RORA: variants seen among roughly 807,000 people sequenced by gnomAD.
RORA encodes the protein RAR related orphan receptor A.
In RORA, 7 loss-of-function variants were observed where a neutral mutation model predicts 69.5. That is an observed-to-expected ratio of 0.10 (90% CI 0.06 to 0.19). RORA has a LOEUF of 0.19. Among genes scored for constraint, RORA ranks in the 10% least tolerant of loss-of-function variants. The pLI is 1.00. For synonymous variants in RORA, 261 were observed against 240.8 expected, an observed-to-expected ratio of 1.08 and a Z score of -0.78; for missense variants, 457 against 663.0, an observed-to-expected ratio of 0.69 and a Z score of 3.41.
At chr15:60,756,609 T>A (rs932586850) in intron 1 of RORA, among the ~76,000 whole-genome samples, 2 of 152,254 alleles carry the variant, frequency 1.3e-5, no homozygotes, top group African/African-American at 4.8e-5. Context: ...TGGCTTTTAA[T>A]TTTTTGTATA....
chr15:61,038,882 G>A (rs1263539669), intron 1 of RORA: 3 of 152,254 alleles, frequency 2.0e-5, no homozygotes, highest in African/African-American at 2.4e-5. Context: ...GAAAGCCCAC[G>A]ACTAAAACAT....
At chr15:60,621,025 G>A (rs548243829) in intron 2 of RORA, among the ~76,000 whole-genome samples, 12 of 152,340 alleles carry the variant, frequency 7.9e-5, no homozygotes, top group African/African-American at 2.6e-4. Flanking sequence ...GCGCATAACT[G>A]TATTCTTTCA....
chr15:61,096,261 C>T (rs2078788595), intron 1 of RORA, among the ~76,000 whole-genome samples: 1 of 152,172 alleles, frequency 6.6e-6, no homozygotes, highest in African/African-American at 2.4e-5. Context: ...TATAGAGCTG[C>T]AGCCTTCTCG....
intron 1 of RORA, among the ~76,000 whole-genome samples, chr15:60,937,943 T>C (rs4775324): frequency 0.16 from 24,332 of 152,174 alleles, 2,020 homozygotes; most frequent in Admixed American, 0.2. Flanking sequence ...CTTTTTTTGC[T>C]TATGATGTGC....
intron 1 of RORA, among the ~76,000 whole-genome samples, chr15:60,805,248 T>G (rs749466296): frequency 2.6e-5 from 4 of 152,202 alleles, no homozygotes; most frequent in Non-Finnish European, 2.9e-5. Flanking sequence ...ACCCAGTCAC[T>G]CTGACAACAG....
Position 60,690,522 on chromosome 15 carries a change from G to A in RORA, c.167-11836C>T, listed in dbSNP as rs573275805. ...CTCCACTGGCTTCAATACCACAGGAGAGAGAAGCCAGCTTCTACCTCATAT... is the reference window on the plus strand; with the variant it reads ...CTCCACTGGCTTCAATACCACAGGAAAGAGAAGCCAGCTTCTACCTCATAT... On this transcript the variant is annotated intron_variant, in intron 1 of 10. Coordinates refer to ENST00000335670, the MANE Select transcript of RORA (RefSeq NM_134261.3). Among the ~76,000 whole-genome samples the A allele has an allele frequency of 2.0e-5, 3 of 152,338 alleles. No homozygotes were observed. The South Asian group carries it at 6.2e-4, about 32-fold the overall frequency.
At position 60,554,235 on chromosome 15, in the gene RORA, G is replaced by A. The variant is rs560651781; in HGVS notation, c.197-22384C>T. 2.6e-5 allele frequency among the ~76,000 whole-genome samples: 4 copies of A among 152,096 alleles called. No individual in the cohort carries two copies. The East Asian group carries it at 5.8e-4, about 22-fold the overall frequency. Reference sequence around the variant, plus strand: ...CACATATAGCTATGACAGGGCCTGGGGTACAGGATGGGTATTTGTTATGAT... The same window carrying A: ...CACATATAGCTATGACAGGGCCTGGAGTACAGGATGGGTATTTGTTATGAT... On this transcript the variant is annotated intron_variant, in intron 2 of 10. Coordinates refer to ENST00000335670, the MANE Select transcript of RORA (RefSeq NM_134261.3).
At chr15:61,007,969 G>A (rs186385437) in intron 1 of RORA, among the ~76,000 whole-genome samples, 8 of 151,346 alleles carry the variant, frequency 5.3e-5, no homozygotes, top group East Asian at 1.9e-4. Flanking sequence ...GAGCTTGTTC[G>A]TGTATTTCTT....
At chr15:60,936,606 G>A (rs1325081023) in intron 1 of RORA, among the ~76,000 whole-genome samples, 1 of 152,180 alleles carries the variant, frequency 6.6e-6, no homozygotes, top group Non-Finnish European at 1.5e-5. Context: ...CCACCCCTGA[G>A]AGCAACTGTG....
intron 1 of RORA, among the ~76,000 whole-genome samples, chr15:60,931,175 T>C (rs1484516567): frequency 6.6e-6 from 1 of 152,138 alleles, no homozygotes; most frequent in Non-Finnish European, 1.5e-5. Context: ...GAGCAGCAGA[T>C]AGGCTCCAGG....
chr15:60,866,061 TCTC>T (rs2073483840), intron 1 of RORA, among the ~76,000 whole-genome samples: 1 of 152,176 alleles, frequency 6.6e-6, no homozygotes, highest in Non-Finnish European at 1.5e-5. Context: ...ACATTCCATT[TCTC>T]CTCTTTTAGT....
intron 1 of RORA, among the ~76,000 whole-genome samples, chr15:61,143,416 A>C (rs1436003609): frequency 2.0e-5 from 3 of 152,176 alleles, no homozygotes; most frequent in Non-Finnish European, 4.4e-5. Context: ...AAATGTCAAT[A>C]AGAGTATTTT....
chr15:60,489,003 T>C lies in RORA; in HGVS notation c.*8452A>G, dbSNP rs187740287. ...CGTTTTAATTGGGGCACACTTGTTATCATTTAACAATTGTCAAATGCTGAC... is the reference window on the plus strand; with the variant it reads ...CGTTTTAATTGGGGCACACTTGTTACCATTTAACAATTGTCAAATGCTGAC... On this transcript the variant is annotated 3_prime_UTR_variant, in exon 11 of 11. Coordinates refer to ENST00000335670, the MANE Select transcript of RORA (RefSeq NM_134261.3). The C allele has an allele frequency of 1.3e-5, 2 of 152,220 alleles. No individual in the cohort carries two copies. The highest frequency in any genetic ancestry group is 6.5e-5 in the Admixed American group (1 of 15,308). 9.4% of individuals were successfully genotyped at this position (152,220 alleles called of 1,614,324 possible).
At chr15:61,092,622 G>A (rs995746320) in intron 1 of RORA, among the ~76,000 whole-genome samples, 1 of 152,208 alleles carries the variant, frequency 6.6e-6, no homozygotes, top group African/African-American at 2.4e-5. Flanking sequence ...ATTGCTGGGT[G>A]TGCCTTCCAT....
chr15:60,978,440 T>A (rs140834334), intron 1 of RORA, among the ~76,000 whole-genome samples: 1 of 152,316 alleles, frequency 6.6e-6, no homozygotes, highest in East Asian at 1.9e-4. Flanking sequence ...AAATATCCTA[T>A]ATACAAATAT....
intron 1 of RORA, among the ~76,000 whole-genome samples, chr15:60,747,479 C>T (rs1017561958): frequency 2.6e-5 from 4 of 152,182 alleles, no homozygotes; most frequent in African/African-American, 9.7e-5. Context: ...TAGCCTCGAT[C>T]TATTAAATAG....
At chr15:60,867,575 A>G (rs970710950) in intron 1 of RORA, among the ~76,000 whole-genome samples, 1 of 152,234 alleles carries the variant, frequency 6.6e-6, no homozygotes, top group South Asian at 2.1e-4. Flanking sequence ...TTTGACCTAC[A>G]TCGCCCTTTT....
chr15:61,056,592 T>C (rs192452133), intron 1 of RORA, among the ~76,000 whole-genome samples: 1 of 152,348 alleles, frequency 6.6e-6, no homozygotes, highest in East Asian at 1.9e-4. Flanking sequence ...AGATACCAGA[T>C]GGACCATCCT....
At chr15:61,142,147 GTTT>G (rs11479734) in intron 1 of RORA, among the ~76,000 whole-genome samples, 16 of 151,234 alleles carry the variant, frequency 1.1e-4, no homozygotes, top group Non-Finnish European at 1.5e-4. Flanking sequence ...CATTTATAAA[GTTT>G]TTTTTTTTAT....
Sources: gnomAD v4.1 joint callset for allele counts (sites outside exome capture counted in the v4.1 genomes callset) on GRCh38, gnomAD v4.1.1 for gene constraint, MANE v1.5 for transcripts, NCBI Gene and HGNC (gene_info 2026-07-23, HGNC 2026-07-21) for gene names.